METTL15: variants seen among roughly 807,000 people sequenced by gnomAD.
METTL15 encodes 12S rRNA N(4)-cytidine methyltransferase METTL15.
A neutral mutation model predicts 38.3 loss-of-function variants in METTL15; 34 were observed. That is an observed-to-expected ratio of 0.89 (90% CI 0.68 to 1.18). The LOEUF is 1.18. METTL15 is among the 50% of genes most tolerant of loss of function. The probability of loss-of-function intolerance (pLI) is 0.00; values close to 1 mark genes in which losing one functional copy is unlikely to be tolerated. For missense variants in METTL15, 438 were observed against 498.4 expected, an observed-to-expected ratio of 0.88 and a Z score of 1.15; for synonymous variants, 162 against 170.9, an observed-to-expected ratio of 0.95 and a Z score of 0.41.
Position 28,257,293 on chromosome 11 carries a change from C to T in METTL15, c.408-32913C>T, listed in dbSNP as rs146780039. Among the ~76,000 whole-genome samples the T allele has an allele frequency of 3.4e-3, 516 of 152,116 alleles. 2 individuals carry two copies. The highest frequency in any genetic ancestry group is 0.012 in the African/African-American group (505 of 41,518). ...CCATTGTATGTTTTTTGCTTCTTTTCCTTTGTGGCTTTTAGCATCCTTTTT... is the reference window on the plus strand; with the variant it reads ...CCATTGTATGTTTTTTGCTTCTTTTTCTTTGTGGCTTTTAGCATCCTTTTT... On this transcript the variant is annotated intron_variant, in intron 4 of 6. Transcript: ENST00000407364.
chr11:28,268,211 A>AAC (rs1855508831), intron 4 of METTL15, among the ~76,000 whole-genome samples: 1 of 150,406 alleles, frequency 6.6e-6, no homozygotes, highest in Non-Finnish European at 1.5e-5. Context: ...AAAAAAAAAA[A>AAC]AAAAAAAAAG....
At chr11:28,213,382 G>T (rs1371070314) in intron 4 of METTL15, among the ~76,000 whole-genome samples, 2 of 152,014 alleles carry the variant, frequency 1.3e-5, no homozygotes, top group African/African-American at 4.8e-5. Context: ...GAGACAAAAA[G>T]TGTGATTAAG....
At chr11:28,233,901 C>G (rs1853804911) in intron 4 of METTL15, among the ~76,000 whole-genome samples, 1 of 151,238 alleles carries the variant, frequency 6.6e-6, no homozygotes, top group African/African-American at 2.4e-5. Context: ...TGTGCTGCAC[C>G]CATTAACTCG....
intron 4 of METTL15, among the ~76,000 whole-genome samples, chr11:28,277,694 A>G (rs1403411280): frequency 6.6e-6 from 1 of 152,152 alleles, no homozygotes; most frequent in Non-Finnish European, 1.5e-5. Flanking sequence ...GGTTTAAAAA[A>G]ACAAAAAGCA....
intron 6 of METTL15, among the ~76,000 whole-genome samples, chr11:28,509,656 C>A (rs1851658356): frequency 6.6e-6 from 1 of 152,026 alleles, no homozygotes; most frequent in Non-Finnish European, 1.5e-5. Context: ...GTTGTTTTAC[C>A]TCTCTGGGCT....
intron 3 of METTL15, among the ~76,000 whole-genome samples, chr11:28,205,597 T>C (rs559629044): frequency 6.6e-4 from 100 of 152,230 alleles, no homozygotes; most frequent in African/African-American, 2.2e-3. Context: ...AGCAGCATGA[T>C]TTATCGTCCT....
chr11:28,190,958 T>C (rs1162805273), intron 3 of METTL15, among the ~76,000 whole-genome samples: 4 of 151,390 alleles, frequency 2.6e-5, no homozygotes, highest in Non-Finnish European at 5.9e-5. Context: ...TCACTTACAT[T>C]ATACTGTATA....
chr11:28,519,108 C>T (rs1044972318), intron 6 of METTL15: 1 of 152,140 alleles, frequency 6.6e-6, no homozygotes, highest in African/African-American at 2.4e-5. Context: ...AATATTTGAC[C>T]CAGTCCTTTT....
chr11:28,115,576 T>C (rs1415162601), intron 3 of METTL15, among the ~76,000 whole-genome samples: 1 of 152,180 alleles, frequency 6.6e-6, no homozygotes, highest in Non-Finnish European at 1.5e-5. Context: ...ATATTTCATA[T>C]GTTATGTGTA....
chr11:28,396,712 A>C (rs957429809), intron 5 of METTL15, among the ~76,000 whole-genome samples: 8 of 152,200 alleles, frequency 5.3e-5, no homozygotes, highest in Middle Eastern at 3.4e-3. Flanking sequence ...GCTACCAATG[A>C]CTTTCTTCAC....
At chr11:28,291,208 G>A (rs551287945) in intron 5 of METTL15, among the ~76,000 whole-genome samples, 7 of 151,876 alleles carry the variant, frequency 4.6e-5, no homozygotes, top group East Asian at 3.9e-4. Context: ...CAGCATGCCC[G>A]GCTAATTATT....
At chr11:28,192,345 T>C (rs1484545941) in intron 3 of METTL15, among the ~76,000 whole-genome samples, 1 of 151,926 alleles carries the variant, frequency 6.6e-6, no homozygotes, top group East Asian at 1.9e-4. Context: ...TGATTTTGAA[T>C]GTTGAACCAG....
At chr11:28,276,386 A>T (rs185891437) in intron 4 of METTL15, among the ~76,000 whole-genome samples, 161 of 152,264 alleles carry the variant, frequency 1.1e-3, no homozygotes, top group African/African-American at 2.1e-3. Context: ...AATTTAACCA[A>T]GGAGCGGAAA....
intron 3 of METTL15, among the ~76,000 whole-genome samples, chr11:28,131,007 A>G (rs1852750205): frequency 6.6e-6 from 1 of 151,958 alleles, no homozygotes; most frequent in Admixed American, 6.6e-5. Flanking sequence ...TGTGCTGTGC[A>G]TTTGTGCATT....
chr11:28,192,703 A>T (rs945838641), intron 3 of METTL15, among the ~76,000 whole-genome samples: 3 of 152,040 alleles, frequency 2.0e-5, no homozygotes, highest in Non-Finnish European at 4.4e-5. Flanking sequence ...ACTCAATTTT[A>T]AAAATAGATG....
rs368940138 is a variant in METTL15 at position 28,356,007 on chromosome 11, C to T, written c.*258+3849C>T. Among the ~76,000 whole-genome samples, 13 of 152,242 alleles carry T rather than the reference C, an allele frequency of 8.5e-5. No individual in the cohort carries two copies. In the East Asian group the frequency reaches 1.9e-3, roughly 23 times the overall value. On this transcript the variant is annotated intron_variant and NMD_transcript_variant, in intron 4 of 7. Coordinates refer to the METTL15 transcript ENST00000532947. Reference sequence around the variant, plus strand: ...TATTTTCCACCTCAGGGCTGTTGCACGTGTTGTCTCTCTACATGTAATTTT... The same window carrying T: ...TATTTTCCACCTCAGGGCTGTTGCATGTGTTGTCTCTCTACATGTAATTTT...
At chr11:28,342,970 T>C (rs1475928493) in intron 3 of METTL15, among the ~76,000 whole-genome samples, 2 of 152,226 alleles carry the variant, frequency 1.3e-5, no homozygotes, top group African/African-American at 4.8e-5. Flanking sequence ...CTTACATTCC[T>C]ACACAGTGCT....
chr11:28,527,990 T>C (rs1851823377), downstream of METTL15, among the ~76,000 whole-genome samples: 1 of 152,218 alleles, frequency 6.6e-6, no homozygotes, highest in African/African-American at 2.4e-5. Flanking sequence ...AATTGCCAAC[T>C]GTGGCATGCA....
At chr11:28,524,229 A>G (rs1046517100) in intron 6 of METTL15, among the ~76,000 whole-genome samples, 1 of 152,244 alleles carries the variant, frequency 6.6e-6, no homozygotes, top group Non-Finnish European at 1.5e-5. Flanking sequence ...AAGACCATGA[A>G]CGATAATAGA....
Sources: gnomAD v4.1 joint callset for allele counts (sites outside exome capture counted in the v4.1 genomes callset) on GRCh38, gnomAD v4.1.1 for gene constraint, MANE v1.5 for transcripts, NCBI Gene and HGNC (gene_info 2026-07-23, HGNC 2026-07-21) for gene names.